Variants in ZFHX3 observed in about 807,000 individuals in gnomAD.
ZFHX3 encodes the protein zinc finger homeobox 3.
ZFHX3 carries 42 observed loss-of-function variants against 279.1 expected under a neutral mutation model. That is an observed-to-expected ratio of 0.15 (90% confidence interval 0.12 to 0.19). The LOEUF (loss-of-function observed/expected upper bound fraction) is 0.19, where lower values mean the gene tolerates loss of function less well. Among genes scored for constraint, ZFHX3 ranks in the 10% least tolerant of loss-of-function variants. The pLI, the probability that ZFHX3 is intolerant of heterozygous loss-of-function variation, is 1.00. For missense variants in ZFHX3, 4,981 were observed against 4,754.0 expected, an observed-to-expected ratio of 1.05 and a Z score of -1.40; for synonymous variants, 2,293 against 1,957.8, an observed-to-expected ratio of 1.17 and a Z score of -4.52.
intron 2 of ZFHX3, among the ~76,000 whole-genome samples, chr16:73,561,086 A>T (rs111804831): frequency 6.6e-6 from 1 of 152,222 alleles, no homozygotes; most frequent in Non-Finnish European, 1.5e-5. Flanking sequence ...TCTACTGAAA[A>T]GAAATTATTT....
chr16:72,893,310 G>T (rs1275127098), intron 3 of ZFHX3, among the ~76,000 whole-genome samples: 1 of 152,178 alleles, frequency 6.6e-6, no homozygotes, highest in African/African-American at 2.4e-5. Context: ...CTATGAAACA[G>T]GATTTCCTCA....
intron 3 of ZFHX3, among the ~76,000 whole-genome samples, chr16:73,411,351 T>C (rs7195594): frequency 0.027 from 4,082 of 152,374 alleles, 90 homozygotes; most frequent in African/African-American, 0.06. Context: ...ACCTGCCCTT[T>C]GAAATATGCA....
chr16:72,941,761 C>G (rs1169233121), intron 3 of ZFHX3, among the ~76,000 whole-genome samples: 2 of 152,084 alleles, frequency 1.3e-5, no homozygotes, highest in Non-Finnish European at 2.9e-5. Context: ...AACACCATCC[C>G]AAGTCACCAC....
At chr16:73,143,671 G>A in intron 6 of ZFHX3, 1 of 1,029,886 alleles carries the variant, frequency 9.7e-7, no homozygotes, top group Non-Finnish European at 1.4e-6. Context: ...TCCTTGTCTG[G>A]CTGGTTAGTC....
At chr16:73,764,519 T>C (rs1342534891) in intron 1 of ZFHX3, among the ~76,000 whole-genome samples, 3 of 152,016 alleles carry the variant, frequency 2.0e-5, no homozygotes, top group African/African-American at 7.2e-5. Context: ...AGATGTAAAA[T>C]TAGGTCAGCG....
chr16:73,877,652 A>G (rs1055166587), intron 1 of ZFHX3, among the ~76,000 whole-genome samples: 1 of 152,276 alleles, frequency 6.6e-6, no homozygotes, highest in Middle Eastern at 3.4e-3. Flanking sequence ...AAGAAACAGT[A>G]TTGATAAATG....
chr16:73,085,581 A>G lies in ZFHX3; in HGVS notation c.-533+7654T>C, dbSNP rs1281929735. Among the ~76,000 whole-genome samples, 6 of 152,242 alleles carry G rather than the reference A, an allele frequency of 3.9e-5. No homozygotes were observed. The East Asian group carries it at 1.2e-3, about 29-fold the overall frequency. On this transcript the variant is annotated intron_variant, in intron 8 of 17. Coordinates refer to the ZFHX3 transcript ENST00000641206. The stretch of plus-strand genomic sequence containing the variant: ...TTTCAACAAAAAACATGCACTGGGC[A>G]AAGGACAGTCTCTTCAATAAATGTG...
At chr16:73,490,699 G>C (rs760073199) in intron 2 of ZFHX3, among the ~76,000 whole-genome samples, 3 of 152,070 alleles carry the variant, frequency 2.0e-5, no homozygotes, top group Non-Finnish European at 4.4e-5. Context: ...TTAGCCAAGC[G>C]TGGTGGCACG....
chr16:73,473,367 A>C (rs12925256), intron 2 of ZFHX3, among the ~76,000 whole-genome samples: 12 of 114,848 alleles, frequency 1.0e-4, no homozygotes, highest in South Asian at 6.1e-4. Flanking sequence ...ACAAAAAAAA[A>C]AAAAACAAAA....
At chr16:73,166,353 A>G (rs1397941271) in intron 5 of ZFHX3, among the ~76,000 whole-genome samples, 1 of 152,208 alleles carries the variant, frequency 6.6e-6, no homozygotes, top group Non-Finnish European at 1.5e-5. Context: ...GGACAAACAG[A>G]GACAAATCAA....
intron 4 of ZFHX3, among the ~76,000 whole-genome samples, chr16:73,298,654 G>A (rs762908280): frequency 6.6e-6 from 1 of 152,174 alleles, no homozygotes; most frequent in African/African-American, 2.4e-5. Context: ...GCTCTTAACT[G>A]TGAGGCCAAT....
At chr16:73,276,244 T>C (rs11149834) in intron 4 of ZFHX3, among the ~76,000 whole-genome samples, 26,162 of 149,940 alleles carry the variant, frequency 0.17, 2,778 homozygotes, top group African/African-American at 0.29. Flanking sequence ...AGTGCAATGG[T>C]GCGATCTCAG....
intron 4 of ZFHX3, among the ~76,000 whole-genome samples, chr16:73,304,533 C>G (rs1231875903): frequency 1.3e-5 from 2 of 152,226 alleles, no homozygotes; most frequent in South Asian, 2.1e-4. Flanking sequence ...TCCCATCCCC[C>G]ACTCTCTCCC....
At chr16:72,868,882 C>T (rs1465934163) in intron 4 of ZFHX3, among the ~76,000 whole-genome samples, 1 of 152,144 alleles carries the variant, frequency 6.6e-6, no homozygotes, top group African/African-American at 2.4e-5. Context: ...GGAATAATTA[C>T]CTCCAGAAAG....
intron 4 of ZFHX3, among the ~76,000 whole-genome samples, chr16:72,845,533 C>T (rs188667376): frequency 2.0e-3 from 300 of 152,308 alleles, no homozygotes; most frequent in African/African-American, 6.9e-3. Flanking sequence ...ACTCACATCA[C>T]TGCCCCACGC....
In ZFHX3 at chr16:73,282,163, G is replaced by A. The variant is rs545206555; in HGVS notation, c.-1193-25027C>T. ...TTTGTATTTTTCCCCCACTCCACAG[G>A]TGCATTTCTTGTTCCCAGTCCTAAG... On this transcript the variant is annotated intron_variant, in intron 4 of 17. Transcript: ENST00000641206. Among the ~76,000 whole-genome samples the A allele has an allele frequency of 1.1e-4, 17 of 152,258 alleles. No individual in the cohort carries two copies. The East Asian group carries it at 1.7e-3, about 16-fold the overall frequency.
chr16:73,091,438 G>C (rs1966080553), intron 8 of ZFHX3, among the ~76,000 whole-genome samples: 1 of 152,110 alleles, frequency 6.6e-6, no homozygotes, highest in African/African-American at 2.4e-5. Flanking sequence ...TCTTGGATCA[G>C]CCAGGGACTT....
At chr16:73,822,073 T>C (rs541913320) in intron 1 of ZFHX3, among the ~76,000 whole-genome samples, 2 of 152,332 alleles carry the variant, frequency 1.3e-5, no homozygotes, top group East Asian at 1.9e-4. Flanking sequence ...TTCAGTCACA[T>C]AGAAAGACAT....
intron 1 of ZFHX3, among the ~76,000 whole-genome samples, chr16:73,876,487 G>T (rs2029951128): frequency 6.6e-6 from 1 of 152,014 alleles, no homozygotes; most frequent in African/African-American, 2.4e-5. Context: ...CCACATATGG[G>T]GTATATGTGT....
Sources: allele counts gnomAD v4.1 joint callset (sites outside exome capture counted in the v4.1 genomes callset), GRCh38; gene constraint gnomAD v4.1.1; transcripts MANE v1.5; gene names NCBI Gene and HGNC (gene_info 2026-07-23, HGNC 2026-07-21).